ALAS2: variants seen among roughly 807,000 people sequenced by gnomAD.
The protein encoded by ALAS2 is 5-aminolevulinate synthase, erythroid-specific, mitochondrial.
Under a neutral mutation model 33.7 loss-of-function variants are expected in ALAS2, and 3 were observed. The ratio of observed to expected loss-of-function variants is 0.09; its 90% CI spans 0.04 to 0.23. ALAS2 has a LOEUF of 0.23. Ranked by LOEUF, ALAS2 falls within the 10% of genes least tolerant of loss-of-function variation. The pLI is 1.00. For synonymous variants in ALAS2, 191 were observed against 177.3 expected, an observed-to-expected ratio of 1.08 and a Z score of -0.61; for missense variants, 304 against 475.1, an observed-to-expected ratio of 0.64 and a Z score of 3.35.
Position 55,026,027 on chromosome X carries a change from A to C in ALAS2, c.-15-12T>G, listed in dbSNP as rs1410150605. On this transcript the variant is annotated splice_polypyrimidine_tract_variant and intron_variant, in intron 1 of 10. Coordinates refer to ENST00000650242, the MANE Select transcript of ALAS2 (RefSeq NM_000032.5). ...TTGAACCTAAAGTCCTGCAGAAGAC[A>C]TGGAAGAGATGAGGTTCCATCATGA... 8.3e-7 allele frequency: 1 copy of C among 1,199,421 alleles called. No individual in the cohort carries two copies. Among genetic ancestry groups the C allele is most frequent in the East Asian group, 3.0e-5 (1 of 33,647 alleles).
rs1296722351 is a variant in ALAS2, at chrX:55,009,254, A to T, written c.1690T>A (p.Phe564Ile). 7 of 1,206,941 alleles carry T rather than the reference A, an allele frequency of 5.8e-6. No homozygotes were observed. Among genetic ancestry groups the T allele is most frequent in the Non-Finnish European group, 7.8e-6 (7 of 893,324 alleles). ...CGTTCCCACTCACTCATGAGCTCAA[A>T]GTGTACAGGACGGCGACAGAAATTG... Reference protein sequence around the residue: ...ACNFCRRPVHFELMSEWERSY... With the variant: ...ACNFCRRPVHIELMSEWERSY... Residue 564 changes from phenylalanine (F) to isoleucine (I), a missense_variant, in exon 11 of 11, where the codon TTT becomes ATT. Physicochemically the swap from Phe to Ile is conservative, Grantham distance 21 (BLOSUM62 0). This residue lies in a region of ALAS2 where 95 missense variants were observed against 127.0 expected (regional missense o/e 0.75). Coordinates refer to ENST00000650242, the MANE Select transcript of ALAS2 (RefSeq NM_000032.5).
rs1228928965 is a variant in ALAS2 at position 55,009,800 on chromosome X, G to A, written c.1601-457C>T. Among the ~76,000 whole-genome samples, 3 of 111,929 alleles carry A rather than the reference G, an allele frequency of 2.7e-5. No individual in the cohort carries two copies. The Admixed American group carries it at 2.8e-4, about 11-fold the overall frequency. ...TAGCTGGAGGAAGTACCCCAGGTAC[G>A]TTCCAGGGCTCTGTTCTTGGCCTTT... On this transcript the variant is annotated intron_variant, in intron 10 of 10. Transcript: ENST00000650242.
intron 1 of ALAS2, among the ~76,000 whole-genome samples, chrX:55,027,478 CAAG>C (rs760670643): frequency 9.1e-6 from 1 of 109,480 alleles, no homozygotes; most frequent in Admixed American, 9.8e-5. Context: ...CTAGAGAGAG[CAAG>C]AAGGAGAGAC....
Position 55,015,959 on chromosome X carries a change from C to CTCTGTG in ALAS2, c.1004-218_1004-217insCACAGA, listed in dbSNP as rs1482050305. ...CTTCTCTCTCTCTCTCTCTGTCTCT[C>CTCTGTG]TGTGTGTGTGTGTGTGTGTGTGTGT... On this transcript the variant is annotated intron_variant, in intron 7 of 10. Coordinates refer to ENST00000650242, the MANE Select transcript of ALAS2 (RefSeq NM_000032.5). Among the ~76,000 whole-genome samples, 14 of 80,160 alleles carry CTCTGTG rather than the reference C, an allele frequency of 1.7e-4. 1 individual carries two copies. In the East Asian group the frequency reaches 3.0e-3, roughly 17 times the overall value. 69.6% of individuals were successfully genotyped at this position (80,160 alleles called of 115,157 possible).
intron 5 of ALAS2, 64 bp downstream of exon 5, chrX:55,020,988 T>G: frequency 9.3e-7 from 1 of 1,069,649 alleles, no homozygotes; most frequent in East Asian, 3.1e-5. Flanking sequence ...GCCTTTTTTT[T>G]TTTTCCATGT....
chrX:55,030,844 A>G (rs754486642), intron 1 of ALAS2, 98 bp downstream of exon 1: 86 of 205,526 alleles, frequency 4.2e-4, no homozygotes, highest in Non-Finnish European at 7.8e-4. Context: ...AACAAAGGAA[A>G]AAGTCAGATC....
intron 10 of ALAS2, among the ~76,000 whole-genome samples, chrX:55,010,034 T>C (rs183568022): frequency 1.1e-3 from 125 of 111,929 alleles, no homozygotes; most frequent in Admixed American, 3.6e-3. Context: ...GTCCCTACCC[T>C]CCACCAAGCT....
intron 3 of ALAS2, among the ~76,000 whole-genome samples, 191 bp downstream of exon 3, chrX:55,024,527 T>A (rs370691691): frequency 4.5e-5 from 5 of 112,069 alleles, no homozygotes; most frequent in African/African-American, 1.6e-4. Flanking sequence ...CCCGTACATA[T>A]GTGTTTGTCA....
chrX:55,017,789 T>G, intron 6 of ALAS2, 124 bp from the exon 7 acceptor site: 1 of 739,837 alleles, frequency 1.4e-6, no homozygotes, highest in Non-Finnish European at 2.1e-6. Context: ...CTCTGCTTCT[T>G]CCTTCTCTGG....
intron 4 of ALAS2, 47 bp downstream of exon 4, chrX:55,023,710 T>A (rs781693080): frequency 9.5e-7 from 1 of 1,053,956 alleles, no homozygotes; most frequent in African/African-American, 1.9e-5. Context: ...CCTTTCAGAA[T>A]GCCTTCCCTA....
intron 1 of ALAS2, 43 bp from the exon 2 acceptor site, chrX:55,026,058 T>C (rs1227685297): frequency 8.7e-7 from 1 of 1,151,992 alleles, no homozygotes; most frequent in South Asian, 1.9e-5. Context: ...CATGAGGGCC[T>C]GGCAAAAAGC....
At position 55,009,098 on chromosome X, in the gene ALAS2, G is replaced by A. The variant is rs1223559569; in HGVS notation, c.*82C>T. 9.1e-7 allele frequency: 1 copy of A among 1,102,191 alleles called. No individual in the cohort carries two copies. Among genetic ancestry groups the A allele is most frequent in the Non-Finnish European group, 1.2e-6 (1 of 813,026 alleles). The allele number at this position is 1,102,191 out of a possible 1,213,427, so 90.8% of individuals were successfully genotyped here. A position where few individuals can be genotyped will look rare whatever the true frequency, so the allele number is the denominator to read the frequency against. Reference sequence around the variant, plus strand: ...ATTTTTAGGCTCAATTCAGCTAGAGGCACACAACAAAGCAGAAGACAGGAG... The same window carrying A: ...ATTTTTAGGCTCAATTCAGCTAGAGACACACAACAAAGCAGAAGACAGGAG... On this transcript the variant is annotated 3_prime_UTR_variant, in exon 11 of 11. Coordinates refer to ENST00000650242, the MANE Select transcript of ALAS2 (RefSeq NM_000032.5).
chrX:55,025,801 G>T lies in ALAS2; in HGVS notation c.181+19C>A, dbSNP rs1935881813. 2 of 1,207,604 alleles carry T rather than the reference G, an allele frequency of 1.7e-6. No individual in the cohort carries two copies. The highest frequency in any genetic ancestry group is 4.3e-5 in the Admixed American group (2 of 46,046). On this transcript the variant is annotated intron_variant, in intron 2 of 10. Transcript: ENST00000650242. ...CAGGACCCTAACATTCTCCCCTTTT[G>T]CTAGCAGCCTCTTCTTACCTCCTCC... is the stretch of plus-strand genomic sequence containing the variant.
At position 55,017,680 on chromosome X, in the gene ALAS2, G is replaced by A. The variant is rs727467; in HGVS notation, c.824-15C>T. The A allele has an allele frequency of 1.2e-3, 1,489 of 1,207,109 alleles. 13 individuals carry two copies. In the African/African-American group the frequency reaches 0.021, roughly 17 times the overall value. ...AATCTCGCACCCTGAGGAAGCAGAT[G>A]TATAATCCTTAAGCTTCTGTCCCAG... On this transcript the variant is annotated splice_polypyrimidine_tract_variant and intron_variant, in intron 6 of 10. Transcript: ENST00000650242.
chrX:55,015,867 G>A, intron 7 of ALAS2, 125 bp from the exon 8 acceptor site: 6 of 759,641 alleles, frequency 7.9e-6, no homozygotes, highest in Non-Finnish European at 1.2e-5. Context: ...GAAGGAGGAT[G>A]TGCGCCTTCA....
rs181653239 is a variant in ALAS2 at position 55,015,983 on chromosome X, G to C, written c.1004-241C>G. On this transcript the variant is annotated intron_variant, in intron 7 of 10. Coordinates refer to ENST00000650242, the MANE Select transcript of ALAS2 (RefSeq NM_000032.5). The stretch of plus-strand genomic sequence containing the variant: ...TCTGTGTGTGTGTGTGTGTGTGTGT[G>C]TGTGTGTGTGTGTGTGTGTGTGTGT... Among the ~76,000 whole-genome samples, 1,570 of 105,019 alleles carry C rather than the reference G, an allele frequency of 0.015. 31 individuals are homozygous for C. Among genetic ancestry groups the C allele is most frequent in the African/African-American group, 0.046 (1,330 of 28,792 alleles). The allele number at this position is 105,019 out of a possible 115,157, so 91.2% of individuals were successfully genotyped here.
At chrX:55,023,619 A>G (rs906249317) in intron 4 of ALAS2, 138 bp downstream of exon 4, 1 of 533,047 alleles carries the variant, frequency 1.9e-6, no homozygotes, top group Non-Finnish European at 3.2e-6. Flanking sequence ...AGATCCAGCA[A>G]GTGCCAGCAT....
chrX:55,025,694 G>T, intron 2 of ALAS2, 126 bp downstream of exon 2: 5 of 735,854 alleles, frequency 6.8e-6, no homozygotes, highest in Non-Finnish European at 1.0e-5. Flanking sequence ...TTTGGGGCCA[G>T]TTCATGCTAT....
chrX:55,016,841 T>G (rs1304300573), intron 7 of ALAS2, among the ~76,000 whole-genome samples: 1 of 111,838 alleles, frequency 8.9e-6, no homozygotes, highest in Admixed American at 9.5e-5. Context: ...ATATTTTACC[T>G]TTGGGAAAAT....
Sources: gnomAD v4.1 joint callset for allele counts (sites outside exome capture counted in the v4.1 genomes callset) on GRCh38, gnomAD v4.1.1 for gene constraint, gnomAD v4.1.1 regional missense constraint, MANE v1.5 for transcripts, NCBI Gene and HGNC (gene_info 2026-07-23, HGNC 2026-07-21) for gene names.